The following SRPK2 variants were observed in gnomAD, a reference collection of about 807,000 sequenced individuals.
SRPK2 encodes the protein SFRS protein kinase 2.
In SRPK2, 21 loss-of-function variants were observed where a neutral mutation model predicts 90.8. That is an observed-to-expected ratio of 0.23 (90% CI 0.16 to 0.33). The LOEUF (loss-of-function observed/expected upper bound fraction) is 0.33, where lower values mean the gene tolerates loss of function less well. Among genes scored for constraint, SRPK2 ranks in the 10% least tolerant of loss-of-function variants. The pLI, the probability that SRPK2 is intolerant of heterozygous loss-of-function variation, is 1.00. For synonymous variants in SRPK2, 288 were observed against 311.1 expected (o/e 0.93, Z 0.78); for missense variants, 620 against 869.0 (o/e 0.71, Z 3.60).
chr7:105,247,561 C>CACACACACAG (rs1554478329), intron 2 of SRPK2, among the ~76,000 whole-genome samples: 1 of 149,356 alleles, frequency 6.7e-6, no homozygotes, highest in Non-Finnish European at 1.5e-5. Context: ...CACACACACA[C>CACACACACAG]AGAAGTTATA....
chr7:105,372,223 G>A (rs561695996), intron 2 of SRPK2, among the ~76,000 whole-genome samples: 3 of 149,614 alleles, frequency 2.0e-5, no homozygotes, highest in Admixed American at 6.7e-5. Context: ...AGTCATTGCT[G>A]TTGCAAATCT....
intron 2 of SRPK2, among the ~76,000 whole-genome samples, chr7:105,351,632 A>G (rs561966642): frequency 2.0e-5 from 3 of 152,018 alleles, no homozygotes; most frequent in Non-Finnish European, 4.4e-5. Context: ...GTGAAACCCC[A>G]TCTCCACTAA....
chr7:105,296,837 T>C (rs1809880958), intron 2 of SRPK2, among the ~76,000 whole-genome samples: 1 of 152,214 alleles, frequency 6.6e-6, no homozygotes, highest in Non-Finnish European at 1.5e-5. Context: ...ACTGTCATTA[T>C]CAACCCTCTT....
intron 3 of SRPK2, among the ~76,000 whole-genome samples, chr7:105,178,419 C>T (rs1028700511): frequency 6.6e-6 from 1 of 152,174 alleles, no homozygotes; most frequent in African/African-American, 2.4e-5. Flanking sequence ...TCTGTTATTA[C>T]AGTCAAATAT....
At chr7:105,304,091 T>G (rs765917446) in intron 2 of SRPK2, among the ~76,000 whole-genome samples, 3 of 152,250 alleles carry the variant, frequency 2.0e-5, no homozygotes, top group Non-Finnish European at 4.4e-5. Context: ...AGGACAATGT[T>G]AACTTGTTTA....
intron 6 of SRPK2, among the ~76,000 whole-genome samples, chr7:105,162,307 G>T (rs755733286): frequency 1.3e-5 from 2 of 152,154 alleles, no homozygotes; most frequent in African/African-American, 2.4e-5. Context: ...CTCCCAAAGT[G>T]CTGGGATTAC....
chr7:105,182,530 C>T (rs1338494249), intron 3 of SRPK2, among the ~76,000 whole-genome samples: 2 of 148,782 alleles, frequency 1.3e-5, no homozygotes, highest in Non-Finnish European at 3.0e-5. Flanking sequence ...CAGCTCACTG[C>T]AACCTCCACC....
chr7:105,355,401 T>A lies in SRPK2; in HGVS notation c.71+33247A>T, dbSNP rs1330043211. Reference sequence around the variant, plus strand: ...GGCTCACGCCTGTAATCCCAACACTTTGGCAAACAGAGGCAGAAGGATCAT... The same window carrying A: ...GGCTCACGCCTGTAATCCCAACACTATGGCAAACAGAGGCAGAAGGATCAT... On this transcript the variant is annotated intron_variant, in intron 2 of 15. Transcript: ENST00000393651. 2.6e-5 allele frequency among the ~76,000 whole-genome samples: 4 copies of A among 152,192 alleles called. 1 individual carries two copies. The South Asian group carries it at 6.2e-4, about 24-fold the overall frequency.
intron 15 of SRPK2, among the ~76,000 whole-genome samples, chr7:105,119,130 A>G (rs1799968746): frequency 6.8e-6 from 1 of 147,594 alleles, no homozygotes; most frequent in Non-Finnish European, 1.5e-5. Context: ...GTGGGGGGAG[A>G]GAGGCATTCA....
chr7:105,159,457 A>AAAAAAAAAAAAAAAAAC (rs1807132889), intron 7 of SRPK2, among the ~76,000 whole-genome samples: 4 of 146,404 alleles, frequency 2.7e-5, no homozygotes, highest in Non-Finnish European at 6.0e-5. Context: ...CCAAAAAAAA[A>AAAAAAAAAAAAAAAAAC]AAAAAAAAAA....
chr7:105,383,452 G>A (rs1401530289), intron 2 of SRPK2, among the ~76,000 whole-genome samples: 3 of 149,126 alleles, frequency 2.0e-5, no homozygotes, highest in South Asian at 4.2e-4. Context: ...ACGGAGTGTC[G>A]CTCTGTCACC....
At chr7:105,302,040 ATGT>A (rs1172794660) in intron 2 of SRPK2, 1 of 1,566,770 alleles carries the variant, frequency 6.4e-7, no homozygotes, top group East Asian at 2.2e-5. Context: ...AACTGGGTTG[ATGT>A]TGTGAAGCAT....
At chr7:105,213,784 G>A (rs1056662865) in intron 2 of SRPK2, among the ~76,000 whole-genome samples, 4 of 152,124 alleles carry the variant, frequency 2.6e-5, no homozygotes, top group African/African-American at 9.7e-5. Context: ...TGTTTACTAA[G>A]ACTTATATTG....
intron 2 of SRPK2, among the ~76,000 whole-genome samples, chr7:105,314,345 G>A (rs1284437538): frequency 6.6e-6 from 1 of 151,742 alleles, no homozygotes; most frequent in Non-Finnish European, 1.5e-5. Context: ...AAATAAACTG[G>A]CAAATCCTTC....
At chr7:105,280,294 C>A (rs1135958) in intron 2 of SRPK2, among the ~76,000 whole-genome samples, 65,924 of 151,646 alleles carry the variant, frequency 0.43, 15,649 homozygotes, top group South Asian at 0.54. Flanking sequence ...GCACACCTGT[C>A]ATCCCAGCTA....
intron 2 of SRPK2, among the ~76,000 whole-genome samples, chr7:105,374,071 C>T (rs889969976): frequency 8.5e-5 from 13 of 152,060 alleles, no homozygotes; most frequent in Non-Finnish European, 1.8e-4. Context: ...GGGATTATGG[C>T]ACATGCCACC....
chr7:105,248,263 C>T (rs928259427), intron 2 of SRPK2, among the ~76,000 whole-genome samples: 5 of 151,984 alleles, frequency 3.3e-5, no homozygotes, highest in Admixed American at 6.6e-5. Context: ...ACACCAGTAT[C>T]CTAGCCTAAG....
At chr7:105,302,510 T>C (rs1258822004) in intron 2 of SRPK2, among the ~76,000 whole-genome samples, 3 of 152,238 alleles carry the variant, frequency 2.0e-5, no homozygotes, top group African/African-American at 7.2e-5. Flanking sequence ...AGGCTTCTTA[T>C]CTTAAATAAA....
At chr7:105,341,321 G>A (rs1005402296) in intron 2 of SRPK2, among the ~76,000 whole-genome samples, 4 of 132,272 alleles carry the variant, frequency 3.0e-5, no homozygotes, top group African/African-American at 1.2e-4. Context: ...TCGTGCCACT[G>A]CACTCCAGCC....
Sources: gnomAD v4.1 joint callset for allele counts (sites outside exome capture counted in the v4.1 genomes callset) on GRCh38, gnomAD v4.1.1 for gene constraint, MANE v1.5 for transcripts, NCBI Gene and HGNC (gene_info 2026-07-23, HGNC 2026-07-21) for gene names.